JAM2: variants seen among roughly 807,000 people sequenced by gnomAD.
JAM2 encodes the protein junctional adhesion molecule 2.
JAM2 carries 17 observed loss-of-function variants against 42.0 expected under a neutral mutation model. The observed-to-expected ratio is 0.40, with a 90% confidence interval of 0.28 to 0.61. The LOEUF is 0.61. Among genes scored for constraint, JAM2 ranks in the 20% least tolerant of loss-of-function variants. The pLI is 0.37. For missense variants in JAM2, 319 were observed against 358.3 expected (o/e 0.89, Z 0.89); for synonymous variants, 118 against 128.6 (o/e 0.92, Z 0.56).
chr21:25,712,833 A>G (rs2034410916), intron 9 of JAM2, among the ~76,000 whole-genome samples: 1 of 152,216 alleles, frequency 6.6e-6, no homozygotes, highest in African/African-American at 2.4e-5. Context: ...GGTTATGTGA[A>G]GCACTTGGAA....
At chr21:25,686,525 T>G (rs1313229569) in intron 2 of JAM2, among the ~76,000 whole-genome samples, 1 of 152,256 alleles carries the variant, frequency 6.6e-6, no homozygotes, top group Non-Finnish European at 1.5e-5. Flanking sequence ...AATTAATTCC[T>G]TCTTTCCAGC....
chr21:25,700,302 A>G (rs1383582068), intron 5 of JAM2, among the ~76,000 whole-genome samples: 2 of 147,136 alleles, frequency 1.4e-5, no homozygotes, highest in African/African-American at 2.6e-5. Flanking sequence ...CAGAATCACT[A>G]TGACAGCGAT....
intron 1 of JAM2, among the ~76,000 whole-genome samples, chr21:25,655,189 CATG>C (rs1487723292): frequency 1.3e-5 from 2 of 151,866 alleles, no homozygotes; most frequent in African/African-American, 2.4e-5. Flanking sequence ...ATGTAGTAAA[CATG>C]ATAAAATCTT....
intron 5 of JAM2, among the ~76,000 whole-genome samples, chr21:25,699,528 C>A (rs9974613): frequency 0.43 from 64,704 of 151,608 alleles, 15,220 homozygotes; most frequent in African/African-American, 0.63. Flanking sequence ...CAAGACCATC[C>A]TGGCTAACAC....
intron 8 of JAM2, chr21:25,712,037 A>G: frequency 3.9e-6 from 1 of 257,110 alleles, no homozygotes; most frequent in South Asian, 5.5e-5. Context: ...AAATGTTAAT[A>G]TATTAAATTA....
chr21:25,707,029 C>T (rs913829089), intron 7 of JAM2, among the ~76,000 whole-genome samples: 7 of 152,082 alleles, frequency 4.6e-5, no homozygotes, highest in Admixed American at 6.5e-5. Flanking sequence ...TGAGCCACCG[C>T]GCCCAGACAA....
intron 1 of JAM2, among the ~76,000 whole-genome samples, chr21:25,666,315 T>TTATTATTA (rs2033219494): frequency 1.4e-5 from 2 of 146,562 alleles, no homozygotes; most frequent in African/African-American, 5.1e-5. Flanking sequence ...TGTTACGGCT[T>TTATTATTA]TTATTATTAT....
chr21:25,703,384 C>T (rs2034208113), intron 6 of JAM2, among the ~76,000 whole-genome samples: 2 of 152,298 alleles, frequency 1.3e-5, no homozygotes, highest in Admixed American at 1.3e-4. Flanking sequence ...TTAATTTGAA[C>T]ATGATTCTCA....
intron 1 of JAM2, among the ~76,000 whole-genome samples, chr21:25,640,521 T>C (rs537174374): frequency 6.6e-6 from 1 of 152,316 alleles, no homozygotes; most frequent in Admixed American, 6.5e-5. Context: ...AACGGGACGA[T>C]TGTTAGAAAG....
At chr21:25,654,464 A>G (rs2032869787) in intron 1 of JAM2, among the ~76,000 whole-genome samples, 1 of 152,056 alleles carries the variant, frequency 6.6e-6, no homozygotes, top group Non-Finnish European at 1.5e-5. Context: ...CCTGGCCAAC[A>G]TGGTGAAACC....
At chr21:25,669,302 G>T (rs896105000) in intron 1 of JAM2, among the ~76,000 whole-genome samples, 6 of 151,786 alleles carry the variant, frequency 4.0e-5, no homozygotes, top group Non-Finnish European at 7.4e-5. Context: ...GCCCGGGGAG[G>T]TTGAGGCTGC....
At chr21:25,681,347 G>A (rs2033626160) in intron 1 of JAM2, among the ~76,000 whole-genome samples, 1 of 152,160 alleles carries the variant, frequency 6.6e-6, no homozygotes, top group Non-Finnish European at 1.5e-5. Flanking sequence ...TGGCTGGGGA[G>A]GCCTCAGGAA....
rs1437269744 is a variant in JAM2 at position 25,639,782 on chromosome 21, C to G, written c.-40C>G. 1 of 1,489,768 alleles carries G rather than the reference C, an allele frequency of 6.7e-7. No homozygotes were observed. The highest frequency in any genetic ancestry group is 9.1e-7 in the Non-Finnish European group (1 of 1,101,848). 92.3% of individuals were successfully genotyped at this position (1,489,768 alleles called of 1,614,324 possible). On this transcript the variant is annotated 5_prime_UTR_variant, in exon 1 of 10. Coordinates refer to ENST00000480456, the MANE Select transcript of JAM2 (RefSeq NM_021219.4). ...CCTCCTGCGCTCCTGCCGCCGGGACCCTCGACCTCCTCAGAGCAGCCGGCT... is the reference window on the plus strand; with the variant it reads ...CCTCCTGCGCTCCTGCCGCCGGGACGCTCGACCTCCTCAGAGCAGCCGGCT...
chr21:25,693,962 G>A, intron 4 of JAM2, 54 bp downstream of exon 4: 2 of 1,568,872 alleles, frequency 1.3e-6, no homozygotes, highest in Non-Finnish European at 1.7e-6. Flanking sequence ...CCACCACCCA[G>A]CCCTGGGGGC....
chr21:25,694,497 T>C (rs2033952459), intron 4 of JAM2, among the ~76,000 whole-genome samples: 1 of 152,144 alleles, frequency 6.6e-6, no homozygotes, highest in Non-Finnish European at 1.5e-5. Flanking sequence ...TGAATCCAGA[T>C]GGGGTTAACT....
intron 7 of JAM2, among the ~76,000 whole-genome samples, chr21:25,709,040 G>A (rs1227489259): frequency 6.6e-6 from 1 of 152,034 alleles, no homozygotes. Context: ...TTTGATGATA[G>A]GGCCCGCTGA....
chr21:25,706,750 G>GT (rs1452421342), intron 7 of JAM2, among the ~76,000 whole-genome samples: 1 of 151,904 alleles, frequency 6.6e-6, no homozygotes. Flanking sequence ...TTTTTTGTTT[G>GT]TTTTTTTGAG....
chr21:25,672,557 C>G (rs2033385640), intron 1 of JAM2, among the ~76,000 whole-genome samples: 1 of 152,160 alleles, frequency 6.6e-6, no homozygotes, highest in Non-Finnish European at 1.5e-5. Context: ...GGCAGTGGTT[C>G]TGTACTTTTA....
chr21:25,677,872 C>G (rs1429411061), intron 1 of JAM2, among the ~76,000 whole-genome samples: 1 of 152,148 alleles, frequency 6.6e-6, no homozygotes, highest in African/African-American at 2.4e-5. Context: ...GACAAACAGA[C>G]TTTTTCAAAG....
Sources: allele counts gnomAD v4.1 joint callset (sites outside exome capture counted in the v4.1 genomes callset), GRCh38; gene constraint gnomAD v4.1.1; transcripts MANE v1.5; gene names NCBI Gene and HGNC (gene_info 2026-07-23, HGNC 2026-07-21).